The following CPEB2 variants were observed in gnomAD, a reference collection of about 807,000 sequenced individuals.
The protein encoded by CPEB2 is cytoplasmic polyadenylation element binding protein 2, also known as cytoplasmic polyadenylation element-binding protein 2.
Under a neutral mutation model 93.6 loss-of-function variants are expected in CPEB2, and 56 were observed. The observed-to-expected ratio is 0.60, with a 90% CI of 0.48 to 0.75. The LOEUF is 0.75. CPEB2 is among the 30% of genes least tolerant of loss of function. The pLI, the probability that CPEB2 is intolerant of heterozygous loss-of-function variation, is 0.00. For missense variants in CPEB2, 1,579 were observed against 1,395.1 expected (o/e 1.13, Z -2.10); for synonymous variants, 764 against 586.3 (o/e 1.30, Z -4.38).
chr4:15,062,316 C>A, intron 11 of CPEB2, 56 bp downstream of exon 11: 2 of 1,264,042 alleles, frequency 1.6e-6, no homozygotes, highest in Non-Finnish European at 2.2e-6. Context: ...TGATCCAAAG[C>A]CTCATACCCT....
intron 6 of CPEB2, among the ~76,000 whole-genome samples, chr4:15,050,505 A>G (rs538016524): frequency 6.6e-6 from 1 of 152,314 alleles, no homozygotes; most frequent in African/African-American, 2.4e-5. Context: ...CTTCTCTAAC[A>G]TACTTCTCTT....
chr4:15,002,966 T>C lies in CPEB2; in HGVS notation c.293T>C (p.Leu98Pro). ...CAGCAGACCATGCAGGATGAGCTGC[T>C]TCTGGGGCTGACACAGCAGCCGGCG... ...AHQQTMQDEL[L>P]LGLTQQPARP... The change falls in exon 1 of 12, where the codon CTT becomes CCT. Residue 98 changes from leucine (L) to proline (P), a missense_variant. Leu to Pro is a moderately conservative substitution (Grantham distance 98). Coordinates refer to ENST00000538197, the MANE Select transcript of CPEB2 (RefSeq NM_001177382.2). 1 of 1,509,864 alleles carries C rather than the reference T, an allele frequency of 6.6e-7. No homozygotes were observed. The highest frequency in any genetic ancestry group is 2.4e-5 in the Admixed American group (1 of 42,502). The allele number at this position is 1,509,864 out of a possible 1,614,324, so 93.5% of individuals were successfully genotyped here. A position where few individuals can be genotyped will look rare whatever the true frequency, so the allele number is the denominator to read the frequency against.
At chr4:15,016,947 A>G (rs1724221405) in intron 3 of CPEB2, among the ~76,000 whole-genome samples, 1 of 152,000 alleles carries the variant, frequency 6.6e-6, no homozygotes, top group Non-Finnish European at 1.5e-5. Flanking sequence ...TAGTATTGCC[A>G]GTAAAATTAG....
rs574492698 is a variant in CPEB2, at chr4:15,003,009, G to A, written c.336G>A (p.Ala112=). 2.7e-6 allele frequency: 4 copies of A among 1,496,024 alleles called. No homozygotes were observed. The highest frequency in any genetic ancestry group is 8.8e-7 in the Non-Finnish European group (1 of 1,134,334). 92.7% of individuals were successfully genotyped at this position (1,496,024 alleles called of 1,614,324 possible). A position where few individuals can be genotyped will look rare whatever the true frequency, so the allele number is the denominator to read the frequency against. The change falls in exon 1 of 12, where the codon GCG becomes GCA. Residue 112 remains alanine, a synonymous_variant. Coordinates refer to ENST00000538197, the MANE Select transcript of CPEB2 (RefSeq NM_001177382.2). ...AGCCGGCGCGGCCGCTTTCGGGGGC[G>A]GCGGCCACGGAGAAACTCCCCGACC... ...TQQPARPLSG[A]AATEKLPDHH...
At chr4:15,040,572 A>T in intron 6 of CPEB2, 85 bp downstream of exon 6, 1 of 1,226,058 alleles carries the variant, frequency 8.2e-7, no homozygotes, top group South Asian at 1.4e-5. Context: ...TAGATTTTTC[A>T]TGCAATATCT....
intron 6 of CPEB2, among the ~76,000 whole-genome samples, chr4:15,046,568 T>G (rs1266276706): frequency 6.6e-6 from 1 of 152,096 alleles, no homozygotes; most frequent in Admixed American, 6.5e-5. Flanking sequence ...TGGTGTGTAG[T>G]CCCTCACTGT....
chr4:15,032,996 A>G (rs1258989787), intron 4 of CPEB2, among the ~76,000 whole-genome samples, 165 bp from the exon 5 acceptor site: 1 of 152,148 alleles, frequency 6.6e-6, no homozygotes, highest in Non-Finnish European at 1.5e-5. Flanking sequence ...AGATAATTTT[A>G]GTTAATATAC....
chr4:15,067,455 A>T lies in CPEB2; in HGVS notation c.*1075A>T, dbSNP rs1284544391. 1 of 152,588 alleles carries T rather than the reference A, an allele frequency of 6.6e-6. No individual in the cohort carries two copies. The highest frequency in any genetic ancestry group is 6.6e-5 in the Admixed American group (1 of 15,250). 9.5% of individuals were successfully genotyped at this position (152,588 alleles called of 1,614,324 possible). On this transcript the variant is annotated 3_prime_UTR_variant, in exon 12 of 12. Transcript: ENST00000538197. ...TCTAATTCATGTGCAGTGATATAGT[A>T]TAGATAAAAGAATGAGTAAAAGAAA... is the stretch of plus-strand genomic sequence containing the variant.
chr4:15,003,038 A>T lies in CPEB2; in HGVS notation c.365A>T (p.His122Leu), dbSNP rs1417146750. 1 of 1,485,220 alleles carries T rather than the reference A, an allele frequency of 6.7e-7. No individual in the cohort carries two copies. The highest frequency in any genetic ancestry group is 1.3e-5 in the South Asian group (1 of 78,782). The allele number at this position is 1,485,220 out of a possible 1,614,324, so 92.0% of individuals were successfully genotyped here. The part of the protein sequence containing the change: ...AAATEKLPDH[H>L]PGGGTIAGVT... ...GCCACGGAGAAACTCCCCGACCACC[A>T]CCCCGGCGGCGGCACGATCGCGGGT... Residue 122 changes from histidine to leucine, a missense_variant, in exon 1 of 12, where the codon CAC becomes CTC. By Grantham distance (99) the His-to-Leu change is moderately conservative. This residue lies in a region of CPEB2 where 1,411 missense variants were observed against 1,056.0 expected (regional missense o/e 1.34). Transcript: ENST00000538197.
intron 7 of CPEB2, 66 bp from the exon 8 acceptor site, chr4:15,054,062 G>A (rs1347177216): frequency 1.1e-5 from 12 of 1,064,774 alleles, no homozygotes; most frequent in Non-Finnish European, 1.7e-5. Context: ...CATAGTAACA[G>A]TACAGAATTT....
At chr4:15,042,003 G>T (rs151154021) in intron 6 of CPEB2, among the ~76,000 whole-genome samples, 7 of 152,074 alleles carry the variant, frequency 4.6e-5, no homozygotes, top group Non-Finnish European at 8.8e-5. Flanking sequence ...AGCTGAGAAG[G>T]GGGGAGCAGT....
In CPEB2 at chr4:15,057,465, T is replaced by G. The variant is rs531061695; in HGVS notation, c.2462-956T>G. ...TACGATGGAACAGACATACATGGCT[T>G]GCCTGATGTCTGCTTTGTACTGGGA... On this transcript the variant is annotated intron_variant, in intron 8 of 11. Transcript: ENST00000538197. Among the ~76,000 whole-genome samples the G allele has an allele frequency of 3.3e-5, 5 of 152,296 alleles. No individual in the cohort carries two copies. The South Asian group carries it at 1.0e-3, about 32-fold the overall frequency.
At chr4:15,035,404 G>A (rs554950681) in intron 5 of CPEB2, among the ~76,000 whole-genome samples, 1 of 152,244 alleles carries the variant, frequency 6.6e-6, no homozygotes, top group South Asian at 2.1e-4. Flanking sequence ...GACTCAGGGG[G>A]ACTGTTCTGA....
chr4:15,002,596 C>G lies in CPEB2; in HGVS notation c.-78C>G. The G allele has an allele frequency of 2.4e-6, 3 of 1,262,170 alleles. No homozygotes were observed. The highest frequency in any genetic ancestry group is 3.2e-6 in the Non-Finnish European group (3 of 946,312). 78.2% of individuals were successfully genotyped at this position (1,262,170 alleles called of 1,614,324 possible). A position where few individuals can be genotyped will look rare whatever the true frequency, so the allele number is the denominator to read the frequency against. ...ACTCCCCCTCCTTCCACCACGGCCG[C>G]GCAACCCCAGCGCCGGCGGCTTCCT... On this transcript the variant is annotated 5_prime_UTR_variant, in exon 1 of 12. Transcript: ENST00000538197.
chr4:15,039,091 C>G (rs567996752), intron 5 of CPEB2, among the ~76,000 whole-genome samples: 1 of 152,230 alleles, frequency 6.6e-6, no homozygotes, highest in East Asian at 1.9e-4. Flanking sequence ...ATCTGCCAGA[C>G]TTTGGGGTCA....
chr4:15,013,225 AAT>A (rs1695793011), intron 3 of CPEB2, among the ~76,000 whole-genome samples: 1 of 152,002 alleles, frequency 6.6e-6, no homozygotes, highest in South Asian at 2.1e-4. Flanking sequence ...CTTTTCCAAC[AAT>A]GTTTTCTAAT....
intron 3 of CPEB2, among the ~76,000 whole-genome samples, chr4:15,009,654 A>AG (rs1393875325): frequency 2.6e-5 from 4 of 152,212 alleles, no homozygotes; most frequent in African/African-American, 9.6e-5. Context: ...TTCAAATAGA[A>AG]GAGGACATAA....
chr4:15,023,194 A>C (rs1279179043), intron 4 of CPEB2, among the ~76,000 whole-genome samples: 1 of 152,008 alleles, frequency 6.6e-6, no homozygotes, highest in African/African-American at 2.4e-5. Context: ...TGTTTATATC[A>C]CTTGTTTTAA....
chr4:15,037,223 A>G (rs1726699915), intron 5 of CPEB2, among the ~76,000 whole-genome samples: 1 of 151,478 alleles, frequency 6.6e-6, no homozygotes, highest in African/African-American at 2.4e-5. Flanking sequence ...AGTGGCGTGA[A>G]CCCCGGGAGT....
Sources: gnomAD v4.1 joint callset for allele counts (sites outside exome capture counted in the v4.1 genomes callset) on GRCh38, gnomAD v4.1.1 for gene constraint, gnomAD v4.1.1 regional missense constraint, MANE v1.5 for transcripts, NCBI Gene and HGNC (gene_info 2026-07-23, HGNC 2026-07-21) for gene names.